Variants in ENTPD3 observed in about 807,000 individuals in gnomAD.
ENTPD3 encodes the protein ectonucleoside triphosphate diphosphohydrolase 3.
A neutral mutation model predicts 51.2 loss-of-function variants in ENTPD3; 60 were observed. The observed-to-expected ratio is 1.17, with a 90% confidence interval of 0.95 to 1.45. The LOEUF (loss-of-function observed/expected upper bound fraction) is 1.45, where lower values mean the gene tolerates loss of function less well. Ranked by LOEUF, ENTPD3 falls within the 40% of genes most tolerant of loss-of-function variation. The pLI, the probability that ENTPD3 is intolerant of heterozygous loss-of-function variation, is 0.00. For missense variants in ENTPD3, 593 were observed against 641.1 expected (o/e 0.93, Z 0.81); for synonymous variants, 221 against 238.4 (o/e 0.93, Z 0.67).
In ENTPD3 at chr3:40,427,701, T is replaced by C; in HGVS notation, c.*193T>C. ...TCCCTTGGCTATTCTGTGCATATTG[T>C]TCTTCAGAGACCTCACTACCCACAT... is the stretch of plus-strand genomic sequence containing the variant. On this transcript the variant is annotated 3_prime_UTR_variant, in exon 11 of 11. Transcript: ENST00000301825. 1 of 592,266 alleles carries C rather than the reference T, an allele frequency of 1.7e-6. No homozygotes were observed. The highest frequency in any genetic ancestry group is 2.8e-5 in the East Asian group (1 of 35,438). 36.7% of individuals were successfully genotyped at this position (592,266 alleles called of 1,614,324 possible).
rs574743579 is a variant in ENTPD3, at chr3:40,402,303, T to C, written c.286+1292T>C. Among the ~76,000 whole-genome samples, 248 of 151,448 alleles carry C rather than the reference T, an allele frequency of 1.6e-3. 2 individuals are homozygous for C. Among genetic ancestry groups the C allele is most frequent in the African/African-American group, 5.8e-3 (239 of 41,352 alleles). ...CTGGCTAATTTTTGTATTTTTAGTA[T>C]AGATGGGGTTTCACCATGTTGGCCA... On this transcript the variant is annotated intron_variant, in intron 4 of 10. Transcript: ENST00000301825.
At position 40,427,536 on chromosome 3, in the gene ENTPD3, T is replaced by C. The variant is rs769685796; in HGVS notation, c.*28T>C. 3.8e-6 allele frequency: 6 copies of C among 1,567,534 alleles called. No individual in the cohort carries two copies. Among genetic ancestry groups the C allele is most frequent in the Admixed American group, 1.7e-5 (1 of 59,894 alleles). On this transcript the variant is annotated 3_prime_UTR_variant, in exon 11 of 11. Coordinates refer to ENST00000301825, the MANE Select transcript of ENTPD3 (RefSeq NM_001248.4). ...CTTCAAAGCAGCTCCTGGAGTCCAA[T>C]GGCTGCTTAGAGTCAGCCTGGGTGG... is the stretch of plus-strand genomic sequence containing the variant.
At chr3:40,391,897 T>C in intron 2 of ENTPD3, 126 bp from the exon 3 acceptor site, 1 of 1,074,110 alleles carries the variant, frequency 9.3e-7, no homozygotes, top group Non-Finnish European at 1.4e-6. Context: ...GAAGTGTGGG[T>C]CTCGCTAACA....
At chr3:40,425,835 T>A (rs1407174835) in intron 10 of ENTPD3, among the ~76,000 whole-genome samples, 1 of 145,464 alleles carries the variant, frequency 6.9e-6, no homozygotes, top group East Asian at 2.1e-4. Flanking sequence ...GAGGTGGAGG[T>A]TGCAGTGAGC....
At chr3:40,395,721 A>T (rs1031929930) in intron 3 of ENTPD3, among the ~76,000 whole-genome samples, 3 of 152,302 alleles carry the variant, frequency 2.0e-5, no homozygotes, top group South Asian at 2.1e-4. Context: ...CCTGGATGTT[A>T]ACTCTCTAGT....
chr3:40,401,231 A>G (rs1575214039), intron 4 of ENTPD3, among the ~76,000 whole-genome samples: 1 of 152,160 alleles, frequency 6.6e-6, no homozygotes, highest in East Asian at 1.9e-4. Flanking sequence ...TTTTATCTGT[A>G]TACATGGAAA....
chr3:40,423,465 T>C (rs1010724738), intron 9 of ENTPD3, 64 bp downstream of exon 9: 4 of 1,159,134 alleles, frequency 3.5e-6, no homozygotes, highest in Non-Finnish European at 5.1e-6. Flanking sequence ...CTATTCTATG[T>C]GTGTGTATTC....
In ENTPD3 at chr3:40,427,358, G is replaced by T; in HGVS notation, c.1440G>T (p.Leu480=). 1.9e-6 allele frequency: 3 copies of T among 1,614,122 alleles called. No individual in the cohort carries two copies. The East Asian group carries it at 6.7e-5, about 36-fold the overall frequency. Residue 480 remains leucine (L), a synonymous_variant, in exon 11 of 11, where the codon CTG becomes CTT. Transcript: ENST00000301825. ...QIPAESPLIR[L]PIEPPVFVGT... ...CAGCTGAAAGCCCTCTGATCCGTCT[G>T]CCCATAGAACCACCTGTCTTTGTGG...
chr3:40,388,801 T>C (rs1954998743), intron 2 of ENTPD3, among the ~76,000 whole-genome samples: 1 of 152,174 alleles, frequency 6.6e-6, no homozygotes, highest in African/African-American at 2.4e-5. Flanking sequence ...CCTGGTCTCA[T>C]CCATTTTGCT....
chr3:40,425,573 G>T (rs192838061), intron 10 of ENTPD3, among the ~76,000 whole-genome samples: 13 of 152,250 alleles, frequency 8.5e-5, no homozygotes, highest in African/African-American at 2.6e-4. Flanking sequence ...AACACTGGAA[G>T]TAAGAATAAA....
intron 3 of ENTPD3, among the ~76,000 whole-genome samples, chr3:40,395,358 C>A (rs1026474115): frequency 6.6e-6 from 1 of 152,132 alleles, no homozygotes; most frequent in African/African-American, 2.4e-5. Flanking sequence ...CCTGGGCAGT[C>A]TAGAGGGCAC....
At chr3:40,408,852 C>A (rs552304307) in intron 4 of ENTPD3, among the ~76,000 whole-genome samples, 2 of 151,670 alleles carry the variant, frequency 1.3e-5, no homozygotes, top group African/African-American at 4.8e-5. Context: ...GGCAACATAG[C>A]AAGACCCCAT....
chr3:40,390,139 G>A (rs1159377252), intron 2 of ENTPD3, among the ~76,000 whole-genome samples: 6 of 152,112 alleles, frequency 3.9e-5, no homozygotes, highest in African/African-American at 1.4e-4. Flanking sequence ...CTTTCTATTA[G>A]TGTTCATCAT....
chr3:40,423,444 T>C (rs761268102), intron 9 of ENTPD3, 43 bp downstream of exon 9: 11 of 1,320,460 alleles, frequency 8.3e-6, no homozygotes, highest in East Asian at 4.6e-5. Context: ...TACAAAAAAA[T>C]ATGGTAGAAT....
chr3:40,415,783 G>T, intron 6 of ENTPD3, 57 bp from the exon 7 acceptor site: 4 of 1,438,394 alleles, frequency 2.8e-6, no homozygotes, highest in Non-Finnish European at 2.9e-6. Context: ...GAGAACTCTG[G>T]GCAAACAGAG....
At chr3:40,394,827 AG>A (rs1955157223) in intron 3 of ENTPD3, among the ~76,000 whole-genome samples, 9 of 152,228 alleles carry the variant, frequency 5.9e-5, no homozygotes. Context: ...TACCACCCTT[AG>A]ACCCTGATAG....
At chr3:40,391,739 G>C in intron 2 of ENTPD3, 1 of 454,704 alleles carries the variant, frequency 2.2e-6, no homozygotes, top group Non-Finnish European at 3.9e-6. Flanking sequence ...ATTCATCTCA[G>C]GGATAACCAA....
Position 40,392,108 on chromosome 3 carries a change from C to T in ENTPD3, c.126C>T (p.Val42=), listed in dbSNP as rs543567292. The change falls in exon 3 of 11, where the codon GTC becomes GTT. Residue 42 remains valine (V), a synonymous_variant. Transcript: ENST00000301825. ...VSIVVLVSIT[V]IQIHKQEVLP... ...TTGTGGTACTTGTGAGTATCACTGT[C>T]ATCCAGATCCACAAGCAAGAGGTCC... 6.2e-7 allele frequency: 1 copy of T among 1,614,158 alleles called. No individual in the cohort carries two copies. Among genetic ancestry groups the T allele is most frequent in the South Asian group, 1.1e-5 (1 of 91,066 alleles).
intron 7 of ENTPD3, among the ~76,000 whole-genome samples, chr3:40,419,276 T>C (rs13324109): frequency 0.42 from 63,577 of 151,974 alleles, 14,512 homozygotes; most frequent in African/African-American, 0.6. Context: ...AATGAACAAA[T>C]AGGTAATCTT....
Sources: allele counts gnomAD v4.1 joint callset (sites outside exome capture counted in the v4.1 genomes callset), GRCh38; gene constraint gnomAD v4.1.1; transcripts MANE v1.5; gene names NCBI Gene and HGNC (gene_info 2026-07-23, HGNC 2026-07-21).